Variants in RGS6 observed in about 807,000 individuals in gnomAD.
The protein encoded by RGS6 is regulator of G-protein signaling 6.
A neutral mutation model predicts 78.5 loss-of-function variants in RGS6; 30 were observed. That is an observed-to-expected ratio of 0.38 (90% CI 0.29 to 0.52). The LOEUF is 0.52. Ranked by LOEUF, RGS6 falls within the 20% of genes least tolerant of loss-of-function variation. The pLI, the probability that RGS6 is intolerant of heterozygous loss-of-function variation, is 0.85. For missense variants in RGS6, 495 were observed against 609.7 expected (o/e 0.81, Z 1.98); for synonymous variants, 206 against 206.0 (o/e 1.00, Z 0.00).
At chr14:71,910,319 A>G in the RGS6 span, among the ~76,000 whole-genome samples, 3 of 152,262 alleles carry the variant, frequency 2.0e-5, no homozygotes, top group Admixed American at 1.3e-4. Context: ...AGACAGCTCC[A>G]GGAAAGAAAT....
chr14:72,002,003 A>G (rs1450492457), intron 2 of RGS6, among the ~76,000 whole-genome samples: 1 of 149,242 alleles, frequency 6.7e-6, no homozygotes, highest in Non-Finnish European at 1.5e-5. Context: ...CCTGGGCTCA[A>G]GTGATCCTCC....
At chr14:72,434,150 A>G (rs571973732) in intron 3 of RGS6, among the ~76,000 whole-genome samples, 1 of 152,226 alleles carries the variant, frequency 6.6e-6, no homozygotes, top group East Asian at 1.9e-4. Context: ...AGCCTGGGCA[A>G]GGTAGCAAGC....
intron 2 of RGS6, among the ~76,000 whole-genome samples, chr14:72,253,235 A>G (rs1240609837): frequency 6.6e-6 from 1 of 152,216 alleles, no homozygotes; most frequent in Non-Finnish European, 1.5e-5. Flanking sequence ...GCATATTACC[A>G]TAGGAAATAG....
In RGS6 at chr14:72,468,820, G is replaced by A. The variant is rs74914172; in HGVS notation, c.460-1187G>A. On this transcript the variant is annotated intron_variant, in intron 7 of 17. Coordinates refer to ENST00000553525, the MANE Select transcript of RGS6 (RefSeq NM_001204424.2). ...ACCAGTTTTGCTTCCTATGAGCAGT[G>A]GAAGAGTCACAAAGACAGTTTTTAG... 6.6e-3 allele frequency among the ~76,000 whole-genome samples: 1,008 copies of A among 152,220 alleles called. 5 individuals carry two copies. The highest frequency in any genetic ancestry group is 0.023 in the African/African-American group (963 of 41,524).
chr14:72,163,932 G>C (rs552667903), intron 2 of RGS6, among the ~76,000 whole-genome samples: 1 of 151,738 alleles, frequency 6.6e-6, no homozygotes, highest in Admixed American at 6.6e-5. Context: ...TCCCTGCTGT[G>C]AGGTTATGGA....
rs542389023 is a variant in RGS6, at chr14:72,144,767, C to T, written c.84+179892C>T. ...ATTCATTTTTTTTTTTTTTTTGAAG[C>T]GGTATAACCACCCAGTGGGTTCACA... On this transcript the variant is annotated intron_variant, in intron 2 of 17. Coordinates refer to ENST00000553525, the MANE Select transcript of RGS6 (RefSeq NM_001204424.2). 8.5e-3 allele frequency among the ~76,000 whole-genome samples: 1,236 copies of T among 145,860 alleles called. 9 individuals are homozygous for T. The highest frequency in any genetic ancestry group is 0.028 in the African/African-American group (1,115 of 39,352).
At chr14:72,144,517 C>T (rs1195320633) in intron 2 of RGS6, among the ~76,000 whole-genome samples, 1 of 152,158 alleles carries the variant, frequency 6.6e-6, no homozygotes, top group East Asian at 1.9e-4. Context: ...TCTGCAAGAG[C>T]CCTTTTGAAT....
intron 2 of RGS6, among the ~76,000 whole-genome samples, chr14:72,272,209 A>T (rs942251558): frequency 6.6e-6 from 1 of 152,134 alleles, no homozygotes; most frequent in African/African-American, 2.4e-5. Context: ...AGAGATGTGT[A>T]CTCTGGGCTC....
At chr14:72,434,422 C>T (rs2094805486) in intron 3 of RGS6, among the ~76,000 whole-genome samples, 1 of 152,168 alleles carries the variant, frequency 6.6e-6, no homozygotes, top group African/African-American at 2.4e-5. Context: ...TCTGAGCACC[C>T]AGGTCTGATG....
intron 2 of RGS6, among the ~76,000 whole-genome samples, chr14:72,266,355 G>A (rs2059068153): frequency 2.0e-5 from 3 of 152,084 alleles, no homozygotes; most frequent in Admixed American, 6.5e-5. Context: ...AAGTGTAAGT[G>A]GCCAAGCCTC....
At chr14:72,499,572 G>T (rs149052163) in intron 13 of RGS6, among the ~76,000 whole-genome samples, 2 of 152,132 alleles carry the variant, frequency 1.3e-5, no homozygotes, top group African/African-American at 2.4e-5. Context: ...TATGTGCTTC[G>T]TGCCTTCCTG....
chr14:72,463,842 G>A (rs746463815), intron 6 of RGS6, among the ~76,000 whole-genome samples: 1 of 152,136 alleles, frequency 6.6e-6, no homozygotes, highest in Non-Finnish European at 1.5e-5. Flanking sequence ...GTGATAGATC[G>A]GACACCCCTT....
At chr14:71,872,199 C>G in the RGS6 span, among the ~76,000 whole-genome samples, 2 of 152,168 alleles carry the variant, frequency 1.3e-5, no homozygotes, top group African/African-American at 4.8e-5. Context: ...CTAAGAGAAG[C>G]TGAAAAATGA....
In RGS6 at chr14:72,247,404, A is replaced by C. The variant is rs570657921; in HGVS notation, c.85-104691A>C. Among the ~76,000 whole-genome samples the C allele has an allele frequency of 3.3e-5, 5 of 152,288 alleles. No individual in the cohort carries two copies. In the South Asian group the frequency reaches 1.0e-3, roughly 32 times the overall value. ...CTCCTGCAAACTTCATTATCCTCTC[A>C]TAACTTTATGTGATCATTTAAAATC... On this transcript the variant is annotated intron_variant, in intron 2 of 17. Coordinates refer to ENST00000553525, the MANE Select transcript of RGS6 (RefSeq NM_001204424.2).
the RGS6 span, among the ~76,000 whole-genome samples, chr14:71,908,917 C>A: frequency 2.6e-5 from 4 of 152,258 alleles, no homozygotes; most frequent in South Asian, 8.3e-4. Context: ...AGCTGACCAT[C>A]AATTATAATT....
At chr14:72,132,590 A>G (rs2096349186) in intron 2 of RGS6, among the ~76,000 whole-genome samples, 1 of 151,958 alleles carries the variant, frequency 6.6e-6, no homozygotes, top group South Asian at 2.1e-4. Flanking sequence ...CATTTTATAT[A>G]CATGCTGTAT....
intron 2 of RGS6, among the ~76,000 whole-genome samples, chr14:72,128,240 C>T (rs543675858): frequency 6.6e-6 from 1 of 152,246 alleles, no homozygotes; most frequent in East Asian, 1.9e-4. Context: ...CTATGACAGT[C>T]CAGCTCAAAG....
chr14:72,490,286 A>G, intron 12 of RGS6, among the ~76,000 whole-genome samples: 1 of 152,204 alleles, frequency 6.6e-6, no homozygotes, highest in South Asian at 2.1e-4. Flanking sequence ...CATGTAAGAC[A>G]TGACTTGCTC....
At chr14:72,412,333 A>T (rs1184100110) in intron 3 of RGS6, among the ~76,000 whole-genome samples, 6 of 152,188 alleles carry the variant, frequency 3.9e-5, no homozygotes, top group African/African-American at 1.4e-4. Flanking sequence ...CATTTCTTCT[A>T]GATTTTCTAT....
Sources: allele counts gnomAD v4.1 joint callset (sites outside exome capture counted in the v4.1 genomes callset), GRCh38; gene constraint gnomAD v4.1.1; transcripts MANE v1.5; gene names NCBI Gene and HGNC (gene_info 2026-07-23, HGNC 2026-07-21).